ZBED4: variants seen among roughly 807,000 people sequenced by gnomAD.
The protein encoded by ZBED4 is zinc finger BED domain-containing protein 4.
In ZBED4, 4 loss-of-function variants were observed where a neutral mutation model predicts 15.5. That is an observed-to-expected ratio of 0.26 (90% CI 0.13 to 0.59). The LOEUF (loss-of-function observed/expected upper bound fraction) is 0.59. ZBED4 is among the 20% of genes least tolerant of loss of function. The pLI is 0.90. For synonymous variants in ZBED4, 692 were observed against 608.5 expected (o/e 1.14, Z -2.02); for missense variants, 1,323 against 1,461.8 (o/e 0.91, Z 1.55).
chr22:49,861,804 C>A (rs1190297298), intron 1 of ZBED4, among the ~76,000 whole-genome samples: 1 of 152,194 alleles, frequency 6.6e-6, no homozygotes, highest in Non-Finnish European at 1.5e-5. Context: ...GGCTCTGATC[C>A]TTTGCCGTGG....
chr22:49,876,891 G>A (rs1331995256), intron 1 of ZBED4, among the ~76,000 whole-genome samples: 1 of 152,184 alleles, frequency 6.6e-6, no homozygotes, highest in East Asian at 1.9e-4. Flanking sequence ...GTTCCCACAC[G>A]TGGTGTTAAC....
At position 49,887,328 on chromosome 22, in the gene ZBED4, G is replaced by T. The variant is rs1025216853; in HGVS notation, c.*150G>T. The T allele has an allele frequency of 2.5e-6, 2 of 789,528 alleles. No individual in the cohort carries two copies. The highest frequency in any genetic ancestry group is 3.9e-6 in the Non-Finnish European group (2 of 507,604). 48.9% of individuals were successfully genotyped at this position (789,528 alleles called of 1,614,324 possible). A position where few individuals can be genotyped will look rare whatever the true frequency, so the allele number is the denominator to read the frequency against. On this transcript the variant is annotated 3_prime_UTR_variant, in exon 2 of 2. Transcript: ENST00000216268. ...CTCCAGCTCACCACAGTGTCTCCAC[G>T]TGCCTTACCCCTTCTCCTTCAGGCC...
rs574978155 is a variant in ZBED4, at chr22:49,860,036, G to A, written c.-330+6047G>A. Among the ~76,000 whole-genome samples, 433 of 113,026 alleles carry A rather than the reference G, an allele frequency of 3.8e-3. 93 individuals are homozygous for A. The highest frequency in any genetic ancestry group is 0.02 in the Middle Eastern group (4 of 202). The allele number at this position is 113,026 out of a possible 152,430, so 74.1% of individuals were successfully genotyped here. A position where few individuals can be genotyped will look rare whatever the true frequency, so the allele number is the denominator to read the frequency against. Reference sequence around the variant, plus strand: ...AAATCAGCCGGGCATGATGGTATGCGCCTGGAGTTCCAGCTACTCAGGAGG... The same window carrying A: ...AAATCAGCCGGGCATGATGGTATGCACCTGGAGTTCCAGCTACTCAGGAGG... On this transcript the variant is annotated intron_variant, in intron 1 of 1. Coordinates refer to ENST00000216268, the MANE Select transcript of ZBED4 (RefSeq NM_014838.3).
Position 49,884,617 on chromosome 22 carries a change from G to A in ZBED4, c.955G>A (p.Gly319Arg), listed in dbSNP as rs2060426923. 6.2e-7 allele frequency: 1 copy of A among 1,612,568 alleles called. No homozygotes were observed. The highest frequency in any genetic ancestry group is 8.5e-7 in the Non-Finnish European group (1 of 1,179,198). ...CMNEFSRGKN[G>R]KDLGTSCLIR... ...GAACGAGTTCAGCCGGGGGAAGAAT[G>A]GGAAGGACCTGGGCACGAGCTGCCT... The change falls in exon 2 of 2, where the codon GGG becomes AGG. Residue 319 changes from glycine (G) to arginine (R), a missense_variant. Around this residue, in one of 6 missense-constraint regions of ZBED4, gnomAD observed 13 missense variants for 30.5 expected, o/e 0.43. Transcript: ENST00000216268.
chr22:49,884,995 G>T lies in ZBED4; in HGVS notation c.1333G>T (p.Ala445Ser). 6.2e-7 allele frequency: 1 copy of T among 1,613,382 alleles called. No individual in the cohort carries two copies. The highest frequency in any genetic ancestry group is 8.5e-7 in the Non-Finnish European group (1 of 1,179,604). The change falls in exon 2 of 2, where the codon GCC (alanine) becomes TCC (serine). Residue 445 changes from alanine (A) to serine (S), a missense_variant. Physicochemically the swap from Ala to Ser is moderately conservative, Grantham distance 99. This residue lies in a region of ZBED4 where 429 missense variants were observed against 397.9 expected (regional missense o/e 1.08). Transcript: ENST00000216268. Reference sequence around the variant, plus strand: ...GAGTCCTAGATTGTTTGAATCTGGCGCCATCTTCCAGCAGAATAAAAAGGT... The same window carrying T: ...GAGTCCTAGATTGTTTGAATCTGGCTCCATCTTCCAGCAGAATAAAAAGGT... ...GLSPRLFESGAIFQQNKKVMK... is the reference protein window; with the variant it reads ...GLSPRLFESGSIFQQNKKVMK...
At chr22:49,876,829 A>G (rs1428233772) in intron 1 of ZBED4, among the ~76,000 whole-genome samples, 1 of 152,206 alleles carries the variant, frequency 6.6e-6, no homozygotes, top group Non-Finnish European at 1.5e-5. Flanking sequence ...TTCCATTTAC[A>G]AAATATAGGA....
rs760174948 is a variant in ZBED4, at chr22:49,886,435, G to A, written c.2773G>A (p.Asp925Asn). The change falls in exon 2 of 2, where the codon GAC becomes AAC. Residue 925 changes from aspartate to asparagine, a missense_variant. Asp to Asn is a conservative substitution (Grantham distance 23). Transcript: ENST00000216268. The surrounding 1 kb of genome is among the most constrained non-coding windows in gnomAD (Gnocchi z 7.7). ...ECNFRELISC[D>N]QWEVMQSVCR... ...TAACTTCCGAGAGCTGATCAGCTGCGACCAGTGGGAGGTCATGCAGTCCGT... is the reference window on the plus strand; with the variant it reads ...TAACTTCCGAGAGCTGATCAGCTGCAACCAGTGGGAGGTCATGCAGTCCGT... The A allele has an allele frequency of 9.5e-6, 15 of 1,583,708 alleles. No homozygotes were observed. The highest frequency in any genetic ancestry group is 1.3e-5 in the African/African-American group (1 of 74,252).
intron 1 of ZBED4, among the ~76,000 whole-genome samples, chr22:49,869,708 A>G (rs1035112676): frequency 2.6e-5 from 4 of 152,220 alleles, no homozygotes; most frequent in African/African-American, 9.6e-5. Context: ...GGGTAGCATA[A>G]TAAACCCTGT....
chr22:49,884,468 A>G lies in ZBED4; in HGVS notation c.806A>G (p.Asn269Ser), dbSNP rs763613877. 6 of 1,614,214 alleles carry G rather than the reference A, an allele frequency of 3.7e-6. No individual in the cohort carries two copies. The highest frequency in any genetic ancestry group is 4.2e-6 in the Non-Finnish European group (5 of 1,180,048). Residue 269 changes from asparagine (N) to serine (S), a missense_variant, in exon 2 of 2, where the codon AAC becomes AGC. Asn to Ser is a conservative substitution (Grantham distance 46). This residue lies in a region of ZBED4 where 380 missense variants were observed against 413.7 expected (regional missense o/e 0.92). Coordinates refer to ENST00000216268, the MANE Select transcript of ZBED4 (RefSeq NM_014838.3). ...CTCCATTACGATGAACCTGCAGAGAACTTAGCGGAGAAGAGCCTTCCACTT... is the reference window on the plus strand; with the variant it reads ...CTCCATTACGATGAACCTGCAGAGAGCTTAGCGGAGAAGAGCCTTCCACTT... ...PALHYDEPAE[N>S]LAEKSLPLPK...
chr22:49,876,844 T>C (rs1030404422), intron 1 of ZBED4, among the ~76,000 whole-genome samples: 6 of 152,226 alleles, frequency 3.9e-5, no homozygotes, highest in African/African-American at 1.4e-4. Flanking sequence ...ATAGGAATTC[T>C]CAGTTGCTGA....
chr22:49,881,691 T>A (rs2060410475), intron 1 of ZBED4, among the ~76,000 whole-genome samples: 1 of 152,250 alleles, frequency 6.6e-6, no homozygotes, highest in South Asian at 2.1e-4. Flanking sequence ...ATTTTTTGTT[T>A]GTTTGTTTTG....
Position 49,890,046 on chromosome 22 carries a change from A to G in ZBED4, c.*2868A>G, listed in dbSNP as rs2060460235. 1 of 166,792 alleles carries G rather than the reference A, an allele frequency of 6.0e-6. No individual in the cohort carries two copies. Among genetic ancestry groups the G allele is most frequent in the South Asian group, 2.1e-4 (1 of 4,828 alleles). The allele number at this position is 166,792 out of a possible 1,614,324, so 10.3% of individuals were successfully genotyped here. A position where few individuals can be genotyped will look rare whatever the true frequency, so the allele number is the denominator to read the frequency against. ...TGTGGAAATACTGAAGTAAAAGATG[A>G]TAAAAAAATAAAAACTTTATTTCTT... On this transcript the variant is annotated 3_prime_UTR_variant, in exon 2 of 2. Transcript: ENST00000216268.
In ZBED4 at chr22:49,866,881, C is replaced by T. The variant is rs374471423; in HGVS notation, c.-330+12892C>T. ...AATCAAGATGCTGGCGGCTCTTGAA[C>T]GGTGGCTCTCGGCAAATGCACGTTC... On this transcript the variant is annotated intron_variant, in intron 1 of 1. Transcript: ENST00000216268. Among the ~76,000 whole-genome samples the T allele has an allele frequency of 9.2e-5, 14 of 152,328 alleles. No individual in the cohort carries two copies. The East Asian group carries it at 1.4e-3, about 15-fold the overall frequency.
At chr22:49,879,119 T>C (rs2060393734) in intron 1 of ZBED4, among the ~76,000 whole-genome samples, 1 of 146,304 alleles carries the variant, frequency 6.8e-6, no homozygotes, top group Non-Finnish European at 1.5e-5. Flanking sequence ...CACTCTACCC[T>C]GGCCACAGAG....
rs554405436 is a variant in ZBED4 at position 49,862,036 on chromosome 22, G to A, written c.-330+8047G>A. ...TAAGCATTTGGATTTTTGCCAGGAT[G>A]GTAGGGTGAGAAGGGGTATCTTGAA... is the stretch of plus-strand genomic sequence containing the variant. On this transcript the variant is annotated intron_variant, in intron 1 of 1. Transcript: ENST00000216268. Among the ~76,000 whole-genome samples the A allele has an allele frequency of 3.5e-4, 53 of 152,298 alleles. 2 individuals are homozygous for A. In the South Asian group the frequency reaches 0.011, roughly 31 times the overall value.
chr22:49,887,177 G>A lies in ZBED4; in HGVS notation c.3515G>A (p.Ter1172=), dbSNP rs368665609. The change falls in exon 2 of 2, where the codon TGA becomes TAA. Residue 1172 remains the stop codon, a stop_retained_variant. Transcript: ENST00000216268. ...VNLPLIYFQY[*] ...CTTCCCTTAATATACTTTCAGTATT[G>A]AAACTCACGACGGCACCACTAGGCC... The A allele has an allele frequency of 3.9e-5, 63 of 1,604,366 alleles. No individual in the cohort carries two copies. In the African/African-American group the frequency reaches 6.6e-4, roughly 17 times the overall value.
At chr22:49,879,194 G>A (rs1312609639) in intron 1 of ZBED4, among the ~76,000 whole-genome samples, 3 of 148,920 alleles carry the variant, frequency 2.0e-5, no homozygotes, top group African/African-American at 7.4e-5. Flanking sequence ...GCGCAATCTC[G>A]GCTCACTGTA....
chr22:49,872,096 A>G (rs1038088655), intron 1 of ZBED4, among the ~76,000 whole-genome samples: 11 of 152,212 alleles, frequency 7.2e-5, no homozygotes, highest in African/African-American at 2.7e-4. Flanking sequence ...TAACTCTTCT[A>G]TGAAAGAGTT....
chr22:49,862,998 G>A (rs1048413627), intron 1 of ZBED4, among the ~76,000 whole-genome samples: 9 of 151,800 alleles, frequency 5.9e-5, no homozygotes, highest in African/African-American at 1.5e-4. Context: ...CACCGCACCC[G>A]GCCAGCCTTT....
Sources: gnomAD v4.1 joint callset for allele counts (sites outside exome capture counted in the v4.1 genomes callset) on GRCh38, gnomAD v4.1.1 for gene constraint, gnomAD v4.1.1 regional missense constraint, Gnocchi (gnomAD v3.1) non-coding constraint, MANE v1.5 for transcripts, NCBI Gene and HGNC (gene_info 2026-07-23, HGNC 2026-07-21) for gene names.